Variants in FGL1 observed in about 807,000 individuals in gnomAD.
FGL1 encodes the protein fibrinogen like 1, also known as fibrinogen-like protein 1.
A neutral mutation model predicts 43.7 loss-of-function variants in FGL1; 59 were observed. That is an observed-to-expected ratio of 1.35 (90% CI 1.10 to 1.68). FGL1 has a LOEUF of 1.68. FGL1 is among the 40% of genes most tolerant of loss of function. FGL1 has a pLI of 0.00. For synonymous variants in FGL1, 192 were observed against 126.5 expected (o/e 1.52, Z -3.48); for missense variants, 596 against 373.0 (o/e 1.60, Z -4.92).
intron 1 of FGL1, among the ~76,000 whole-genome samples, chr8:17,886,415 G>C (rs890415011): frequency 6.6e-6 from 1 of 152,106 alleles, no homozygotes; most frequent in Non-Finnish European, 1.5e-5. Flanking sequence ...CAAAGAGAAA[G>C]GGAAAGAACA....
At position 17,873,531 on chromosome 8, in the gene FGL1, G is replaced by A. The variant is rs528554566; in HGVS notation, c.502+488C>T. On this transcript the variant is annotated intron_variant, in intron 5 of 7. Coordinates refer to ENST00000427924, the MANE Select transcript of FGL1 (RefSeq NM_004467.4). ...ATGGTTGTTGATTTTAAGCCACTAA[G>A]CTTTGGAAGAGGATTGTTACACGTT... 3.9e-5 allele frequency among the ~76,000 whole-genome samples: 6 copies of A among 152,202 alleles called. No homozygotes were observed. The East Asian group carries it at 1.2e-3, about 29-fold the overall frequency.
chr8:17,890,681 A>G (rs910126015), intron 1 of FGL1, among the ~76,000 whole-genome samples: 49 of 152,310 alleles, frequency 3.2e-4, no homozygotes, highest in Admixed American at 1.6e-3. Flanking sequence ...TTTATAAAGG[A>G]AAAAGGTTTA....
At chr8:17,883,375 A>G (rs1312198402) in intron 2 of FGL1, among the ~76,000 whole-genome samples, 2 of 44,004 alleles carry the variant, frequency 4.5e-5, no homozygotes, top group African/African-American at 1.5e-4. Flanking sequence ...AATATATAAA[A>G]TAATATACAA....
At chr8:17,876,896 A>G (rs1332313103) in intron 3 of FGL1, among the ~76,000 whole-genome samples, 2 of 152,158 alleles carry the variant, frequency 1.3e-5, no homozygotes, top group Non-Finnish European at 2.9e-5. Flanking sequence ...TGTTTTTGAA[A>G]TTTTCCTTCT....
At chr8:17,889,504 T>G (rs1237217668) in intron 1 of FGL1, among the ~76,000 whole-genome samples, 1 of 152,122 alleles carries the variant, frequency 6.6e-6, no homozygotes, top group Non-Finnish European at 1.5e-5. Flanking sequence ...GAGCTGAGAT[T>G]GTCTCACTGT....
chr8:17,879,469 T>C (rs564824343), intron 3 of FGL1, among the ~76,000 whole-genome samples: 16 of 152,182 alleles, frequency 1.1e-4, no homozygotes, highest in African/African-American at 3.6e-4. Context: ...TGGGAGGCGA[T>C]TGGCTCATGG....
At chr8:17,879,043 T>TA (rs2053497258) in intron 3 of FGL1, among the ~76,000 whole-genome samples, 2 of 151,038 alleles carry the variant, frequency 1.3e-5, no homozygotes, top group African/African-American at 4.9e-5. Context: ...TTATATTTTA[T>TA]TTCCCCTTTT....
At chr8:17,894,077 G>A (rs1375259737) in intron 1 of FGL1, among the ~76,000 whole-genome samples, 1 of 146,420 alleles carries the variant, frequency 6.8e-6, no homozygotes, top group Non-Finnish European at 1.5e-5. Context: ...TAATTACGCT[G>A]CATTAAATTT....
intron 1 of FGL1, among the ~76,000 whole-genome samples, chr8:17,893,562 A>T (rs1435175645): frequency 3.4e-5 from 5 of 149,016 alleles, no homozygotes; most frequent in Non-Finnish European, 7.4e-5. Context: ...TACCATTAAG[A>T]TAATCCAATA....
At chr8:17,876,922 C>A (rs1363294066) in intron 3 of FGL1, among the ~76,000 whole-genome samples, 3 of 151,998 alleles carry the variant, frequency 2.0e-5, no homozygotes, top group African/African-American at 7.2e-5. Flanking sequence ...GAAGAAAATG[C>A]CAAACACAAC....
intron 1 of FGL1, 126 bp from the exon 2 acceptor site, chr8:17,885,697 G>A (rs1371548813): frequency 5.9e-6 from 4 of 683,658 alleles, no homozygotes; most frequent in South Asian, 1.9e-5. Flanking sequence ...TAGAGTCGCC[G>A]AGGAAATTCT....
At chr8:17,887,861 C>T (rs946000600) in intron 1 of FGL1, among the ~76,000 whole-genome samples, 11 of 151,854 alleles carry the variant, frequency 7.2e-5, no homozygotes, top group African/African-American at 2.7e-4. Context: ...ATCTCTAGAC[C>T]CATTTTTCCA....
chr8:17,884,242 A>G (rs2053595461), intron 2 of FGL1, among the ~76,000 whole-genome samples: 1 of 151,468 alleles, frequency 6.6e-6, no homozygotes, highest in Non-Finnish European at 1.5e-5. Context: ...CCCAGGCTGG[A>G]GTGCAGTGGT....
At chr8:17,885,669 G>T in intron 1 of FGL1, 98 bp from the exon 2 acceptor site, 1 of 914,182 alleles carries the variant, frequency 1.1e-6, no homozygotes, top group Non-Finnish European at 1.7e-6. Context: ...GGATGCAGCC[G>T]CAGGCCATCC....
intron 3 of FGL1, 138 bp from the exon 4 acceptor site, chr8:17,874,659 A>G (rs1585133578): frequency 2.0e-6 from 1 of 497,200 alleles, no homozygotes; most frequent in Non-Finnish European, 3.3e-6. Context: ...TTAAAATTGC[A>G]TCTTGTACAT....
intron 5 of FGL1, among the ~76,000 whole-genome samples, chr8:17,873,134 C>T (rs1383612059): frequency 6.6e-6 from 1 of 152,144 alleles, no homozygotes; most frequent in Non-Finnish European, 1.5e-5. Context: ...TCACCTCTCT[C>T]TCATAATATG....
At chr8:17,872,183 T>A (rs2053373720) in intron 5 of FGL1, among the ~76,000 whole-genome samples, 2 of 152,212 alleles carry the variant, frequency 1.3e-5, no homozygotes, top group South Asian at 4.1e-4. Flanking sequence ...GTCTAATGTT[T>A]ATCATTCTAG....
intron 1 of FGL1, among the ~76,000 whole-genome samples, chr8:17,888,148 A>G (rs959671819): frequency 6.6e-6 from 1 of 152,062 alleles, no homozygotes; most frequent in Non-Finnish European, 1.5e-5. Flanking sequence ...TATGTTAAAA[A>G]TAGAGAAAAT....
chr8:17,878,606 G>A (rs1013238612), intron 3 of FGL1, among the ~76,000 whole-genome samples: 1 of 152,096 alleles, frequency 6.6e-6, no homozygotes, highest in Non-Finnish European at 1.5e-5. Flanking sequence ...TAATCCGCTA[G>A]CACCCAAATT....
Sources: gnomAD v4.1 joint callset for allele counts (sites outside exome capture counted in the v4.1 genomes callset) on GRCh38, gnomAD v4.1.1 for gene constraint, MANE v1.5 for transcripts, NCBI Gene and HGNC (gene_info 2026-07-23, HGNC 2026-07-21) for gene names.